PTPRG: variants seen among roughly 807,000 people sequenced by gnomAD.
PTPRG encodes protein tyrosine phosphatase receptor type G.
PTPRG carries 102 observed loss-of-function variants against 165.3 expected under a neutral mutation model. The ratio of observed to expected loss-of-function variants is 0.62; its 90% confidence interval spans 0.53 to 0.73. The LOEUF (loss-of-function observed/expected upper bound fraction) is 0.73, where lower values mean the gene tolerates loss of function less well. Ranked by LOEUF, PTPRG falls within the 30% of genes least tolerant of loss-of-function variation. PTPRG has a pLI of 0.00. For missense variants in PTPRG, 1,866 were observed against 1,861.4 expected, an observed-to-expected ratio of 1.00 and a Z score of -0.05; for synonymous variants, 675 against 669.5, an observed-to-expected ratio of 1.01 and a Z score of -0.13.
chr3:61,672,298 C>T (rs1161842950), intron 1 of PTPRG, among the ~76,000 whole-genome samples: 19 of 145,470 alleles, frequency 1.3e-4, no homozygotes, highest in Admixed American at 1.1e-3. Context: ...CGGAGACGCT[C>T]CTCACTTCCC....
intron 15 of PTPRG, among the ~76,000 whole-genome samples, chr3:62,250,088 T>G (rs192231793): frequency 6.6e-6 from 1 of 152,202 alleles, no homozygotes; most frequent in Non-Finnish European, 1.5e-5. Context: ...TAAGTACTTG[T>G]GTTATCTTGT....
chr3:61,887,099 T>C (rs1240975158), intron 2 of PTPRG, among the ~76,000 whole-genome samples: 1 of 125,096 alleles, frequency 8.0e-6, no homozygotes. Flanking sequence ...CGGAAAACTA[T>C]TTTTAAAGTA....
chr3:61,884,048 G>T (rs936775329), intron 2 of PTPRG, among the ~76,000 whole-genome samples: 1 of 152,118 alleles, frequency 6.6e-6, no homozygotes, highest in Non-Finnish European at 1.5e-5. Context: ...GCTTTTGGTG[G>T]TTTAAAATGG....
At chr3:62,026,884 A>AAAAAAAAAAAAAAAAAAAAAAAAAAAG in intron 4 of PTPRG, among the ~76,000 whole-genome samples, 1 of 144,706 alleles carries the variant, frequency 6.9e-6, no homozygotes, top group Non-Finnish European at 1.6e-5. Flanking sequence ...AGAATTAAAA[A>AAAAAAAAAAAAAAAAAAAAAAAAAAAG]AAAAAAAAAA....
chr3:61,760,827 TTAAG>T (rs541125947), intron 2 of PTPRG, among the ~76,000 whole-genome samples: 389 of 152,286 alleles, frequency 2.6e-3, no homozygotes, highest in Non-Finnish European at 4.3e-3. Context: ...AGCTCCCTCT[TTAAG>T]TAAGAACATG....
chr3:62,197,037 G>C (rs2106823052), intron 10 of PTPRG, among the ~76,000 whole-genome samples: 1 of 152,350 alleles, frequency 6.6e-6, no homozygotes, highest in Non-Finnish European at 1.5e-5. Flanking sequence ...AGTTGGCCCT[G>C]ATGGCCCTGG....
At chr3:62,102,232 T>C (rs1031055020) in intron 5 of PTPRG, among the ~76,000 whole-genome samples, 1 of 152,116 alleles carries the variant, frequency 6.6e-6, no homozygotes, top group Non-Finnish European at 1.5e-5. Context: ...GTTGCCGTGT[T>C]TGGACACCTT....
chr3:62,063,263 A>G (rs1700880131), intron 4 of PTPRG, among the ~76,000 whole-genome samples: 1 of 152,212 alleles, frequency 6.6e-6, no homozygotes, highest in Non-Finnish European at 1.5e-5. Context: ...AATTGATAGA[A>G]AGATCATCAA....
At chr3:61,941,160 G>T (rs1160475087) in intron 2 of PTPRG, among the ~76,000 whole-genome samples, 3 of 150,748 alleles carry the variant, frequency 2.0e-5, no homozygotes, top group African/African-American at 7.3e-5. Flanking sequence ...AATCATTCAT[G>T]AGTGCAATAA....
chr3:62,144,774 C>G (rs1323076883), intron 6 of PTPRG, among the ~76,000 whole-genome samples: 1 of 152,160 alleles, frequency 6.6e-6, no homozygotes, highest in African/African-American at 2.4e-5. Flanking sequence ...CACTTCTTTT[C>G]TTAGCCAGGA....
At chr3:61,989,510 C>T in intron 2 of PTPRG, 115 bp from the exon 3 acceptor site, 3 of 966,158 alleles carry the variant, frequency 3.1e-6, no homozygotes, top group Non-Finnish European at 4.6e-6. Flanking sequence ...TCAGTACATT[C>T]ACCTCTTTGG....
intron 2 of PTPRG, among the ~76,000 whole-genome samples, chr3:61,774,451 C>T (rs2034307295): frequency 6.6e-6 from 1 of 152,164 alleles, no homozygotes; most frequent in South Asian, 2.1e-4. Flanking sequence ...GGTACTGGAA[C>T]TGTTGCATAA....
intron 1 of PTPRG, among the ~76,000 whole-genome samples, chr3:61,739,789 A>C (rs2032907579): frequency 6.6e-6 from 1 of 152,208 alleles, no homozygotes; most frequent in Admixed American, 6.5e-5. Context: ...GGACTCTTTA[A>C]GAAATACAAA....
At chr3:62,205,249 G>C (rs1209946159) in intron 12 of PTPRG, among the ~76,000 whole-genome samples, 3 of 152,132 alleles carry the variant, frequency 2.0e-5, no homozygotes, top group East Asian at 1.9e-4. Flanking sequence ...CTGAGTGAAG[G>C]AAATGTGGGG....
intron 5 of PTPRG, among the ~76,000 whole-genome samples, chr3:62,084,567 C>G (rs982967990): frequency 6.6e-6 from 1 of 152,158 alleles, no homozygotes; most frequent in Non-Finnish European, 1.5e-5. Flanking sequence ...AATTATTTTT[C>G]TCCATCTGGA....
intron 1 of PTPRG, among the ~76,000 whole-genome samples, chr3:61,564,231 C>T (rs1699848335): frequency 6.6e-6 from 1 of 152,212 alleles, no homozygotes; most frequent in Admixed American, 6.5e-5. Context: ...GACGACTGAG[C>T]GGGCTCAGGT....
At chr3:61,665,865 T>C (rs776989335) in intron 1 of PTPRG, among the ~76,000 whole-genome samples, 6 of 152,286 alleles carry the variant, frequency 3.9e-5, no homozygotes, top group African/African-American at 9.6e-5. Context: ...AAATGAATTA[T>C]GGATATGAAA....
At chr3:61,708,116 T>G (rs930698917) in intron 1 of PTPRG, among the ~76,000 whole-genome samples, 5 of 151,916 alleles carry the variant, frequency 3.3e-5, no homozygotes, top group African/African-American at 1.2e-4. Flanking sequence ...TAGGGATATT[T>G]GCCTCCCCGG....
intron 1 of PTPRG, among the ~76,000 whole-genome samples, chr3:61,665,362 A>G (rs1385578076): frequency 6.6e-6 from 1 of 152,094 alleles, no homozygotes; most frequent in Non-Finnish European, 1.5e-5. Context: ...TGATTTTTTT[A>G]TAGCGATATG....
Sources: gnomAD v4.1 joint callset for allele counts (sites outside exome capture counted in the v4.1 genomes callset) on GRCh38, gnomAD v4.1.1 for gene constraint, MANE v1.5 for transcripts, NCBI Gene and HGNC (gene_info 2026-07-23, HGNC 2026-07-21) for gene names.